Variants in MAPKAPK5 observed in about 807,000 individuals in gnomAD.
MAPKAPK5 encodes the protein MAPK activated protein kinase 5.
MAPKAPK5 carries 30 observed loss-of-function variants against 65.1 expected under a neutral mutation model. The observed-to-expected ratio is 0.46, with a 90% CI of 0.34 to 0.63. MAPKAPK5 has a LOEUF of 0.63. MAPKAPK5 is among the 20% of genes least tolerant of loss of function. The probability of loss-of-function intolerance (pLI) is 0.01; values close to 1 mark genes in which losing one functional copy is unlikely to be tolerated. For missense variants in MAPKAPK5, 433 were observed against 581.4 expected (o/e 0.74, Z 2.63); for synonymous variants, 179 against 204.6 (o/e 0.87, Z 1.07).
chr12:111,860,853 C>T (rs1168903806), intron 1 of MAPKAPK5, among the ~76,000 whole-genome samples: 1 of 151,664 alleles, frequency 6.6e-6, no homozygotes, highest in Admixed American at 6.6e-5. Context: ...ACAAGAATTT[C>T]TATGCCTGTA....
chr12:111,846,760 G>A (rs1354212000), intron 1 of MAPKAPK5, among the ~76,000 whole-genome samples: 6 of 151,926 alleles, frequency 3.9e-5, no homozygotes, highest in Admixed American at 6.6e-5. Context: ...GCCTCCCAAA[G>A]TGCTAGAGTT....
At position 111,900,968 on chromosome 12, in the gene MAPKAPK5, C is replaced by A. The variant is rs778121123; in HGVS notation, c.*7907C>A. Reference sequence around the variant, plus strand: ...ACAGCAAAGGGGACCAATTTGGAAACTGTGGCATTTCTACCAGTCCTGGGT... The same window carrying A: ...ACAGCAAAGGGGACCAATTTGGAAAATGTGGCATTTCTACCAGTCCTGGGT... On this transcript the variant is annotated 3_prime_UTR_variant, in exon 14 of 14. Transcript: ENST00000550735. The A allele has an allele frequency of 2.2e-6, 1 of 456,094 alleles. No homozygotes were observed. Among genetic ancestry groups the A allele is most frequent in the East Asian group, 6.9e-5 (1 of 14,400 alleles). 28.3% of individuals were successfully genotyped at this position (456,094 alleles called of 1,614,324 possible). A position where few individuals can be genotyped will look rare whatever the true frequency, so the allele number is the denominator to read the frequency against.
At position 111,900,527 on chromosome 12, in the gene MAPKAPK5, A is replaced by G. The variant is rs1046008964; in HGVS notation, c.*7466A>G. 2 of 455,996 alleles carry G rather than the reference A, an allele frequency of 4.4e-6. No homozygotes were observed. The highest frequency in any genetic ancestry group is 8.8e-6 in the Non-Finnish European group (2 of 226,818). The allele number at this position is 455,996 out of a possible 1,614,324, so 28.2% of individuals were successfully genotyped here. ...TTCGAGAACACAAAGGGGCCTGCCT[A>G]TTTAACAAGCCACGGCCCAGGGGCC... On this transcript the variant is annotated 3_prime_UTR_variant, in exon 14 of 14. Coordinates refer to ENST00000550735, the MANE Select transcript of MAPKAPK5 (RefSeq NM_003668.4).
chr12:111,891,779 C>T (rs905417766), intron 13 of MAPKAPK5, among the ~76,000 whole-genome samples: 1 of 151,082 alleles, frequency 6.6e-6, no homozygotes, highest in African/African-American at 2.4e-5. Context: ...TGCACTCCAG[C>T]CTGGGCAACA....
At chr12:111,855,424 A>T (rs909838194) in intron 1 of MAPKAPK5, among the ~76,000 whole-genome samples, 2 of 152,058 alleles carry the variant, frequency 1.3e-5, no homozygotes, top group Admixed American at 6.6e-5. Context: ...TTTCAGCACC[A>T]CTTCAACTTC....
Position 111,901,332 on chromosome 12 carries a change from C to A in MAPKAPK5, c.*8271C>A, listed in dbSNP as rs977607684. On this transcript the variant is annotated 3_prime_UTR_variant, in exon 14 of 14. Coordinates refer to ENST00000550735, the MANE Select transcript of MAPKAPK5 (RefSeq NM_003668.4). Reference sequence around the variant, plus strand: ...CCACTGTAATGAAGGGCATGCCCCCCCTGACTGTGTTACTGCAGGAAGTGG... The same window carrying A: ...CCACTGTAATGAAGGGCATGCCCCCACTGACTGTGTTACTGCAGGAAGTGG... The A allele has an allele frequency of 3.1e-5, 14 of 455,912 alleles. No homozygotes were observed. The highest frequency in any genetic ancestry group is 5.7e-5 in the Non-Finnish European group (13 of 226,810). The allele number at this position is 455,912 out of a possible 1,614,324, so 28.2% of individuals were successfully genotyped here.
rs2070696657 is a variant in MAPKAPK5 at position 111,893,496 on chromosome 12, T to C, written c.*435T>C. On this transcript the variant is annotated 3_prime_UTR_variant, in exon 14 of 14. Transcript: ENST00000550735. ...GATTAGCTCTACTGCCAAGACATTTTTGTGGCTGTCATTGCAGACTGCTTG... is the reference window on the plus strand; with the variant it reads ...GATTAGCTCTACTGCCAAGACATTTCTGTGGCTGTCATTGCAGACTGCTTG... 6.6e-6 allele frequency: 1 copy of C among 152,428 alleles called. No individual in the cohort carries two copies. Among genetic ancestry groups the C allele is most frequent in the Non-Finnish European group, 1.5e-5 (1 of 68,204 alleles). The allele number at this position is 152,428 out of a possible 1,614,324, so 9.4% of individuals were successfully genotyped here.
intron 8 of MAPKAPK5, among the ~76,000 whole-genome samples, chr12:111,882,473 G>A (rs1344862155): frequency 4.6e-5 from 7 of 152,154 alleles, no homozygotes; most frequent in Admixed American, 4.6e-4. Context: ...GGGAGTGTGG[G>A]GCCCCAGTGG....
chr12:111,881,033 G>GT (rs1288156650), intron 8 of MAPKAPK5, among the ~76,000 whole-genome samples: 1 of 152,128 alleles, frequency 6.6e-6, no homozygotes. Flanking sequence ...GCTCCTAAGT[G>GT]TTACTTGGTA....
intron 1 of MAPKAPK5, among the ~76,000 whole-genome samples, chr12:111,847,800 C>T (rs1311162577): frequency 1.3e-5 from 2 of 152,204 alleles, no homozygotes; most frequent in East Asian, 1.9e-4. Flanking sequence ...TCCCATTCCT[C>T]GCCCCTTACG....
In MAPKAPK5 at chr12:111,897,266, A is replaced by C. The variant is rs917780456; in HGVS notation, c.*4205A>C. On this transcript the variant is annotated 3_prime_UTR_variant, in exon 14 of 14. Transcript: ENST00000550735. ...CAAACCACTGTGCCTGGCAGGAATT[A>C]CTCTTTAAAAAGAGTTTATGTTGCT... 1 of 152,150 alleles carries C rather than the reference A, an allele frequency of 6.6e-6. No homozygotes were observed. Among genetic ancestry groups the C allele is most frequent in the African/African-American group, 2.4e-5 (1 of 41,422 alleles). 9.4% of individuals were successfully genotyped at this position (152,150 alleles called of 1,614,324 possible).
intron 7 of MAPKAPK5, among the ~76,000 whole-genome samples, chr12:111,873,546 T>C (rs2069854764): frequency 6.6e-6 from 1 of 152,164 alleles, no homozygotes; most frequent in Admixed American, 6.5e-5. Context: ...GGTTTCACCA[T>C]GTTGGCCAGG....
In MAPKAPK5 at chr12:111,900,596, C is replaced by T. The variant is rs1414611109; in HGVS notation, c.*7535C>T. ...CCTGTGGAAATGGTGTGGTGGAGGA[C>T]ACGGAGCAGTGTGACTGTGGTTCTC... On this transcript the variant is annotated 3_prime_UTR_variant, in exon 14 of 14. Coordinates refer to ENST00000550735, the MANE Select transcript of MAPKAPK5 (RefSeq NM_003668.4). The T allele has an allele frequency of 4.4e-6, 2 of 456,012 alleles. No individual in the cohort carries two copies. Among genetic ancestry groups the T allele is most frequent in the East Asian group, 6.9e-5 (1 of 14,404 alleles). The allele number at this position is 456,012 out of a possible 1,614,324, so 28.2% of individuals were successfully genotyped here. A position where few individuals can be genotyped will look rare whatever the true frequency, so the allele number is the denominator to read the frequency against.
chr12:111,900,504 C>G lies in MAPKAPK5; in HGVS notation c.*7443C>G, dbSNP rs915554671. 1 of 456,074 alleles carries G rather than the reference C, an allele frequency of 2.2e-6. No homozygotes were observed. Among genetic ancestry groups the G allele is most frequent in the Admixed American group, 2.3e-5 (1 of 42,580 alleles). The allele number at this position is 456,074 out of a possible 1,614,324, so 28.3% of individuals were successfully genotyped here. On this transcript the variant is annotated 3_prime_UTR_variant, in exon 14 of 14. Transcript: ENST00000550735. ...CTCTGACTACTTCTACCAGTTCCTT[C>G]GAGAACACAAAGGGGCCTGCCTATT... is the stretch of plus-strand genomic sequence containing the variant.
chr12:111,884,288 G>A (rs2070334506), intron 9 of MAPKAPK5, among the ~76,000 whole-genome samples: 1 of 152,160 alleles, frequency 6.6e-6, no homozygotes, highest in Non-Finnish European at 1.5e-5. Flanking sequence ...TTGGCTCACT[G>A]CAACCTCCAC....
chr12:111,892,833 C>G (rs1286400975), intron 13 of MAPKAPK5, 134 bp from the exon 14 acceptor site: 2 of 501,372 alleles, frequency 4.0e-6, no homozygotes, highest in Non-Finnish European at 7.1e-6. Flanking sequence ...TGCTTTTGAT[C>G]AGTGGTGGGG....
intron 8 of MAPKAPK5, among the ~76,000 whole-genome samples, chr12:111,882,375 T>C (rs2136140353): frequency 6.9e-6 from 1 of 145,132 alleles, no homozygotes; most frequent in East Asian, 2.1e-4. Flanking sequence ...TGAGACTCCG[T>C]CTCAAAAAAA....
chr12:111,846,076 A>G (rs1015717119), intron 1 of MAPKAPK5, among the ~76,000 whole-genome samples: 2 of 152,208 alleles, frequency 1.3e-5, no homozygotes, highest in East Asian at 1.9e-4. Context: ...GAAGTACTCA[A>G]TAGGTCATGG....
chr12:111,865,210 G>T, intron 1 of MAPKAPK5, 40 bp from the exon 2 acceptor site: 1 of 1,293,012 alleles, frequency 7.7e-7, no homozygotes, highest in South Asian at 1.3e-5. Flanking sequence ...TGTTAACTGA[G>T]GAATCATTCT....
Sources: allele counts gnomAD v4.1 joint callset (sites outside exome capture counted in the v4.1 genomes callset), GRCh38; gene constraint gnomAD v4.1.1; transcripts MANE v1.5; gene names NCBI Gene and HGNC (gene_info 2026-07-23, HGNC 2026-07-21).